The following LRRC4C variants were observed in gnomAD, a reference collection of about 807,000 sequenced individuals.
LRRC4C encodes the protein leucine rich repeat containing 4C.
In LRRC4C, 5 loss-of-function variants were observed where a neutral mutation model predicts 33.6. The ratio of observed to expected loss-of-function variants is 0.15; its 90% confidence interval spans 0.08 to 0.31. LRRC4C has a LOEUF of 0.31. Among genes scored for constraint, LRRC4C ranks in the 10% least tolerant of loss-of-function variants. The probability of loss-of-function intolerance (pLI) is 1.00; values close to 1 mark genes in which losing one functional copy is unlikely to be tolerated. For missense variants in LRRC4C, 560 were observed against 796.7 expected, an observed-to-expected ratio of 0.70 and a Z score of 3.58; for synonymous variants, 329 against 302.0, an observed-to-expected ratio of 1.09 and a Z score of -0.93.
intron 1 of LRRC4C, among the ~76,000 whole-genome samples, chr11:41,402,090 T>C (rs1002951974): frequency 6.6e-6 from 1 of 151,856 alleles, no homozygotes; most frequent in Admixed American, 6.6e-5. Flanking sequence ...TAGAGAGAGA[T>C]AAAAAATACT....
intron 2 of LRRC4C, among the ~76,000 whole-genome samples, chr11:40,914,164 A>G (rs1414237712): frequency 6.6e-6 from 1 of 152,220 alleles, no homozygotes; most frequent in Non-Finnish European, 1.5e-5. Context: ...TTCAATCAAT[A>G]GAAAAAGAGG....
chr11:41,379,868 T>A (rs1367156389), intron 1 of LRRC4C, among the ~76,000 whole-genome samples: 1 of 152,118 alleles, frequency 6.6e-6, no homozygotes, highest in Non-Finnish European at 1.5e-5. Flanking sequence ...CCTTAGTCTT[T>A]CTGTCTAAAA....
chr11:40,168,626 T>C (rs1424612948), intron 5 of LRRC4C, among the ~76,000 whole-genome samples: 1 of 152,180 alleles, frequency 6.6e-6, no homozygotes, highest in Non-Finnish European at 1.5e-5. Flanking sequence ...AAGGGTCAGA[T>C]GGGGAAGAGA....
intron 4 of LRRC4C, among the ~76,000 whole-genome samples, chr11:40,265,721 C>G (rs1363565375): frequency 1.3e-5 from 2 of 152,146 alleles, no homozygotes; most frequent in Non-Finnish European, 2.9e-5. Context: ...TAAAATTCAG[C>G]TCAGGCAGAC....
intron 2 of LRRC4C, among the ~76,000 whole-genome samples, chr11:40,732,020 C>T (rs1432846994): frequency 6.6e-6 from 1 of 151,084 alleles, no homozygotes; most frequent in Non-Finnish European, 1.5e-5. Flanking sequence ...GGAACACCTC[C>T]TTGCCTGGGA....
rs1016148916 is a variant in LRRC4C at position 40,783,469 on chromosome 11, C to CT, written c.-406-135192dup. Among the ~76,000 whole-genome samples, 19 of 151,308 alleles carry CT rather than the reference C, an allele frequency of 1.3e-4. 1 individual carries two copies. Among genetic ancestry groups the CT allele is most frequent in the Admixed American group, 7.2e-4 (11 of 15,180 alleles). Reference sequence around the variant, plus strand: ...CACTACCACTGCCAGCTATTTGTTTCTTTTTTTATTTTTATTTTTAGTAGA... The same window carrying CT: ...CACTACCACTGCCAGCTATTTGTTTCTTTTTTTTATTTTTATTTTTAGTAGA... On this transcript the variant is annotated intron_variant, in intron 2 of 6. Coordinates refer to ENST00000528697, the MANE Select transcript of LRRC4C (RefSeq NM_001258419.2).
At chr11:41,156,300 G>T (rs1214711482) in intron 1 of LRRC4C, among the ~76,000 whole-genome samples, 3 of 152,062 alleles carry the variant, frequency 2.0e-5, no homozygotes, top group East Asian at 3.9e-4. Context: ...CACTGTAACT[G>T]TAATCTATTA....
intron 2 of LRRC4C, among the ~76,000 whole-genome samples, chr11:40,886,748 A>G (rs1357084899): frequency 6.6e-6 from 1 of 151,942 alleles, no homozygotes; most frequent in African/African-American, 2.4e-5. Flanking sequence ...ATACTAAATG[A>G]AGAAATGATA....
At chr11:41,042,165 T>C (rs1857479969) in intron 1 of LRRC4C, among the ~76,000 whole-genome samples, 1 of 152,210 alleles carries the variant, frequency 6.6e-6, no homozygotes, top group African/African-American at 2.4e-5. Flanking sequence ...TGTTCCATGA[T>C]GATATATCTT....
chr11:40,429,710 A>G (rs1950847244), intron 3 of LRRC4C, among the ~76,000 whole-genome samples: 1 of 152,188 alleles, frequency 6.6e-6, no homozygotes, highest in Non-Finnish European at 1.5e-5. Flanking sequence ...CATATTTAGA[A>G]AAAGTAATCT....
At chr11:40,671,679 A>G (rs1289326167) in intron 2 of LRRC4C, among the ~76,000 whole-genome samples, 2 of 41,244 alleles carry the variant, frequency 4.8e-5, no homozygotes, top group Non-Finnish European at 9.8e-5. Context: ...GTGTGTGTGT[A>G]GTATATATAT....
intron 1 of LRRC4C, among the ~76,000 whole-genome samples, chr11:41,234,736 T>A (rs186628179): frequency 6.6e-6 from 1 of 152,124 alleles, no homozygotes; most frequent in African/African-American, 2.4e-5. Flanking sequence ...CTGATAATTA[T>A]TTCTCCAAAA....
Position 40,353,231 on chromosome 11 carries a change from T to C in LRRC4C, c.-269-33510A>G, listed in dbSNP as rs116792814. Among the ~76,000 whole-genome samples, 235 of 152,304 alleles carry C rather than the reference T, an allele frequency of 1.5e-3. 1 individual carries two copies. The highest frequency in any genetic ancestry group is 5.4e-3 in the African/African-American group (225 of 41,578). Reference sequence around the variant, plus strand: ...CTCTTAGATTTGCCTTTTTAGATTATTTTCTAGATTTTTGTAGTTGTAGTT... The same window carrying C: ...CTCTTAGATTTGCCTTTTTAGATTACTTTCTAGATTTTTGTAGTTGTAGTT... On this transcript the variant is annotated intron_variant, in intron 3 of 6. Transcript: ENST00000528697.
At chr11:40,582,915 G>C (rs1317653158) in intron 3 of LRRC4C, among the ~76,000 whole-genome samples, 3 of 152,070 alleles carry the variant, frequency 2.0e-5, no homozygotes, top group Admixed American at 1.3e-4. Flanking sequence ...GATTCAATCA[G>C]GGTATTTAGA....
intron 5 of LRRC4C, among the ~76,000 whole-genome samples, chr11:40,235,825 C>T (rs899941149): frequency 6.6e-6 from 1 of 152,078 alleles, no homozygotes; most frequent in Admixed American, 6.6e-5. Flanking sequence ...CAACCCAATT[C>T]CATGGATCTG....
chr11:40,840,993 A>C (rs2135642437), intron 2 of LRRC4C, among the ~76,000 whole-genome samples: 1 of 152,290 alleles, frequency 6.6e-6, no homozygotes, highest in African/African-American at 2.4e-5. Flanking sequence ...AGGAAGAAAC[A>C]TTTTTTGTTC....
At chr11:40,608,573 T>G (rs2135863971) in intron 3 of LRRC4C, among the ~76,000 whole-genome samples, 1 of 152,200 alleles carries the variant, frequency 6.6e-6, no homozygotes, top group Non-Finnish European at 1.5e-5. Flanking sequence ...TTAATTACCT[T>G]TCCAATCAAA....
intron 1 of LRRC4C, among the ~76,000 whole-genome samples, chr11:41,248,016 A>C (rs993615180): frequency 2.0e-5 from 3 of 152,194 alleles, no homozygotes; most frequent in Non-Finnish European, 4.4e-5. Context: ...CAAGCTGAGT[A>C]CATCTCACAG....
intron 1 of LRRC4C, among the ~76,000 whole-genome samples, chr11:41,179,606 T>C (rs930841783): frequency 6.6e-6 from 1 of 152,210 alleles, no homozygotes; most frequent in East Asian, 1.9e-4. Context: ...ACAGACTTAG[T>C]CTTTGGTTCA....
Sources: gnomAD v4.1 joint callset for allele counts (sites outside exome capture counted in the v4.1 genomes callset) on GRCh38, gnomAD v4.1.1 for gene constraint, MANE v1.5 for transcripts, NCBI Gene and HGNC (gene_info 2026-07-23, HGNC 2026-07-21) for gene names.